Variants in SPTBN1 observed in about 807,000 individuals in gnomAD.
The protein encoded by SPTBN1 is spectrin beta, non-erythrocytic 1.
Under a neutral mutation model 266.4 loss-of-function variants are expected in SPTBN1, and 32 were observed. The ratio of observed to expected loss-of-function variants is 0.12; its 90% CI spans 0.09 to 0.16. The LOEUF (loss-of-function observed/expected upper bound fraction) is 0.16. SPTBN1 is among the 10% of genes least tolerant of loss of function. The pLI, the probability that SPTBN1 is intolerant of heterozygous loss-of-function variation, is 1.00. For missense variants in SPTBN1, 2,296 were observed against 3,067.1 expected (o/e 0.75, Z 5.94); for synonymous variants, 1,336 against 1,162.2 (o/e 1.15, Z -3.04).
chr2:54,595,825 C>A (rs1164467277), intron 2 of SPTBN1, among the ~76,000 whole-genome samples: 2 of 152,166 alleles, frequency 1.3e-5, no homozygotes, highest in African/African-American at 2.4e-5. Flanking sequence ...TGTTAAGCAG[C>A]ATCCTGGGCC....
At chr2:54,595,842 C>G (rs1319090637) in intron 2 of SPTBN1, among the ~76,000 whole-genome samples, 6 of 152,196 alleles carry the variant, frequency 3.9e-5, no homozygotes, top group African/African-American at 4.8e-5. Flanking sequence ...GGCCTCTACC[C>G]TCTAAATGCC....
intron 32 of SPTBN1, chr2:54,662,012 T>C (rs10528): frequency 0.17 from 171,201 of 985,352 alleles, 15,744 homozygotes; most frequent in Non-Finnish European, 0.19. Context: ...AACTTGAAAA[T>C]AGCATTGCTT....
intron 33 of SPTBN1, among the ~76,000 whole-genome samples, chr2:54,665,648 A>G (rs1681319484): frequency 6.6e-6 from 1 of 152,236 alleles, no homozygotes; most frequent in Non-Finnish European, 1.5e-5. Context: ...ACAAGAGGGT[A>G]ACTTGCTTTT....
Position 54,668,703 on chromosome 2 carries a change from A to C in SPTBN1, c.*134A>C. On this transcript the variant is annotated 3_prime_UTR_variant, in exon 36 of 36. Coordinates refer to ENST00000356805, the MANE Select transcript of SPTBN1 (RefSeq NM_003128.3). The stretch of plus-strand genomic sequence containing the variant: ...TGATTTTTTTTTTTTTTTAATTTAT[A>C]GAGCATTTCGGGGGGGGTGGGGGAA... 2 of 670,572 alleles carry C rather than the reference A, an allele frequency of 3.0e-6. No homozygotes were observed. The highest frequency in any genetic ancestry group is 4.5e-6 in the Non-Finnish European group (2 of 441,906). The allele number at this position is 670,572 out of a possible 1,614,324, so 41.5% of individuals were successfully genotyped here. A position where few individuals can be genotyped will look rare whatever the true frequency, so the allele number is the denominator to read the frequency against.
At chr2:54,573,322 C>T (rs1446700265) in intron 2 of SPTBN1, among the ~76,000 whole-genome samples, 1 of 152,162 alleles carries the variant, frequency 6.6e-6, no homozygotes, top group Non-Finnish European at 1.5e-5. Flanking sequence ...ACTCTTCCAC[C>T]TCAGATCATC....
intron 1 of SPTBN1, among the ~76,000 whole-genome samples, chr2:54,479,789 A>G (rs968055342): frequency 2.6e-5 from 4 of 152,180 alleles, no homozygotes; most frequent in African/African-American, 9.7e-5. Context: ...AGGGTACTTA[A>G]TTCATGTAAT....
chr2:54,530,689 C>T (rs1671181809), intron 2 of SPTBN1, among the ~76,000 whole-genome samples: 1 of 152,102 alleles, frequency 6.6e-6, no homozygotes, highest in Admixed American at 6.5e-5. Context: ...TTTTACTTTA[C>T]GTGTCTTCAT....
At chr2:54,529,592 A>C in intron 2 of SPTBN1, 1 of 721,480 alleles carries the variant, frequency 1.4e-6, no homozygotes. Context: ...TCCTCTGACC[A>C]CTGAGTTTGC....
At chr2:54,642,271 C>T (rs922905270) in intron 18 of SPTBN1, among the ~76,000 whole-genome samples, 12 of 152,178 alleles carry the variant, frequency 7.9e-5, no homozygotes, top group African/African-American at 2.9e-4. Context: ...GGCCAGCAGC[C>T]TTTGTGCGGC....
In SPTBN1 at chr2:54,622,637, C is replaced by A; in HGVS notation, c.1064+150C>A. ...CTCCTTTTCATCTGACTCTGTTTTG[C>A]TGAGATTTATGATAGATCATGCTCT... On this transcript the variant is annotated intron_variant, in intron 9 of 35. Transcript: ENST00000356805. 3 of 918,650 alleles carry A rather than the reference C, an allele frequency of 3.3e-6. No homozygotes were observed. The South Asian group carries it at 5.5e-5, about 17-fold the overall frequency. The allele number at this position is 918,650 out of a possible 1,614,324, so 56.9% of individuals were successfully genotyped here.
rs767471430 is a variant in SPTBN1, at chr2:54,646,054, A to G, written c.4584+37A>G. On this transcript the variant is annotated intron_variant, in intron 22 of 35. Coordinates refer to ENST00000356805, the MANE Select transcript of SPTBN1 (RefSeq NM_003128.3). The surrounding 1 kb of genome is among the most constrained non-coding windows in gnomAD (Gnocchi z 4.4). ...TGCTCGAGCTAGTTCTGTCTGATAA[A>G]TAATTGCTCTAAATTATGAGACTGG... 2.5e-6 allele frequency: 4 copies of G among 1,613,682 alleles called. No homozygotes were observed. Among genetic ancestry groups the G allele is most frequent in the African/African-American group, 2.7e-5 (2 of 74,916 alleles).
chr2:54,538,965 C>T (rs1205888289), intron 2 of SPTBN1, among the ~76,000 whole-genome samples: 1 of 152,186 alleles, frequency 6.6e-6, no homozygotes, highest in Non-Finnish European at 1.5e-5. Flanking sequence ...CCCACTGCCT[C>T]CACTCTGAGC....
chr2:54,593,723 G>C (rs575246713), intron 2 of SPTBN1, among the ~76,000 whole-genome samples: 1 of 150,766 alleles, frequency 6.6e-6, no homozygotes, highest in African/African-American at 2.4e-5. Context: ...AACAGATGGA[G>C]AGTTACCCAA....
chr2:54,654,590 G>T (rs1396699242), intron 27 of SPTBN1, among the ~76,000 whole-genome samples: 3 of 152,174 alleles, frequency 2.0e-5, no homozygotes, highest in Admixed American at 1.3e-4. Flanking sequence ...GTCTAGGCTA[G>T]TTCCCATCCT....
Position 54,629,283 on chromosome 2 carries a change from G to A in SPTBN1, c.2149G>A (p.Glu717Lys). Residue 717 changes from glutamate to lysine, a missense_variant, in exon 14 of 36, where the codon GAG (glutamate) becomes AAG (lysine). Physicochemically the swap from Glu to Lys is moderately conservative, Grantham distance 56. Coordinates refer to ENST00000356805, the MANE Select transcript of SPTBN1 (RefSeq NM_003128.3). ...GCACTTCGGGTCGGAGAAGATCCGT[G>A]AGAGGATCATTTACATCCGGGAGCA... ...EEHFGSEKIRERIIYIREQWA... is the reference protein window; with the variant it reads ...EEHFGSEKIRKRIIYIREQWA... 1 of 1,614,068 alleles carries A rather than the reference G, an allele frequency of 6.2e-7. No homozygotes were observed. The highest frequency in any genetic ancestry group is 8.5e-7 in the Non-Finnish European group (1 of 1,180,046).
intron 2 of SPTBN1, among the ~76,000 whole-genome samples, chr2:54,582,390 A>C (rs942557116): frequency 6.6e-6 from 1 of 151,636 alleles, no homozygotes; most frequent in African/African-American, 2.4e-5. Flanking sequence ...GGAGAGAAGC[A>C]CCCTCCATTT....
At chr2:54,592,861 T>C (rs375276823) in intron 2 of SPTBN1, among the ~76,000 whole-genome samples, 1 of 152,204 alleles carries the variant, frequency 6.6e-6, no homozygotes, top group East Asian at 1.9e-4. Flanking sequence ...TCACCACTAC[T>C]GGCTGGTGAC....
At chr2:54,493,776 G>T (rs1253301865) in intron 1 of SPTBN1, among the ~76,000 whole-genome samples, 1 of 152,218 alleles carries the variant, frequency 6.6e-6, no homozygotes, top group African/African-American at 2.4e-5. Context: ...ATAGATATTT[G>T]CAGGTGAAAT....
chr2:54,590,005 T>A (rs1675561577), intron 2 of SPTBN1, among the ~76,000 whole-genome samples: 1 of 152,252 alleles, frequency 6.6e-6, no homozygotes, highest in African/African-American at 2.4e-5. Context: ...CCTGATTGGG[T>A]CATGTTTAAA....
Sources: allele counts gnomAD v4.1 joint callset (sites outside exome capture counted in the v4.1 genomes callset), GRCh38; gene constraint gnomAD v4.1.1; non-coding constraint Gnocchi (gnomAD v3.1); transcripts MANE v1.5; gene names NCBI Gene and HGNC (gene_info 2026-07-23, HGNC 2026-07-21).